The following ENTREP2 variants were observed in gnomAD, a reference collection of about 807,000 sequenced individuals.
ENTREP2 encodes endosomal transmembrane epsin interactor 2, also known as protein ENTREP2.
the ENTREP2 span, among the ~76,000 whole-genome samples, chr15:29,221,034 G>C: frequency 6.6e-6 from 1 of 152,198 alleles, no homozygotes; most frequent in East Asian, 1.9e-4. Context: ...ATAAATCTGA[G>C]GACTGTGGGA....
the ENTREP2 span, chr15:29,120,252 G>A: frequency 6.6e-6 from 1 of 152,114 alleles, no homozygotes; most frequent in East Asian, 1.9e-4. Context: ...GAGACACAGA[G>A]GCCAGAAATA....
the ENTREP2 span, among the ~76,000 whole-genome samples, chr15:29,278,372 G>C: frequency 1.3e-5 from 2 of 152,234 alleles, no homozygotes; most frequent in Non-Finnish European, 2.9e-5. Flanking sequence ...GCTGGCAGAA[G>C]CCCGTGTCTC....
At chr15:29,458,701 C>T in the ENTREP2 span, among the ~76,000 whole-genome samples, 2 of 152,212 alleles carry the variant, frequency 1.3e-5, no homozygotes, top group Non-Finnish European at 2.9e-5. Context: ...GCTAATAGTA[C>T]ATTTTTATAT....
At chr15:29,537,091 G>A in the ENTREP2 span, among the ~76,000 whole-genome samples, 14 of 152,092 alleles carry the variant, frequency 9.2e-5, no homozygotes, top group Non-Finnish European at 1.3e-4. Context: ...TTATGTATAC[G>A]TAACATAATA....
chr15:29,355,134 G>A, the ENTREP2 span, among the ~76,000 whole-genome samples: 2 of 152,126 alleles, frequency 1.3e-5, no homozygotes, highest in Non-Finnish European at 2.9e-5. Context: ...TCTCACTCCA[G>A]GCCCCAGAGC....
chr15:29,601,585 T>C, the ENTREP2 span, among the ~76,000 whole-genome samples: 1 of 152,152 alleles, frequency 6.6e-6, no homozygotes, highest in African/African-American at 2.4e-5. Context: ...AGGGTCAACA[T>C]TCACATGATC....
chr15:29,457,751 A>C, the ENTREP2 span, among the ~76,000 whole-genome samples: 31 of 152,280 alleles, frequency 2.0e-4, no homozygotes, highest in African/African-American at 7.2e-4. Context: ...GGAGAGACAC[A>C]CTCGAGAGAA....
At chr15:29,346,049 T>C in the ENTREP2 span, among the ~76,000 whole-genome samples, 2 of 152,124 alleles carry the variant, frequency 1.3e-5, no homozygotes, top group Non-Finnish European at 2.9e-5. Flanking sequence ...GCCCAGCTGG[T>C]GAGCAGCAGA....
At chr15:29,386,570 C>A in the ENTREP2 span, among the ~76,000 whole-genome samples, 9 of 152,160 alleles carry the variant, frequency 5.9e-5, no homozygotes, top group South Asian at 1.2e-3. Context: ...TACACAGCAA[C>A]AGAAAACAAT....
chr15:29,518,199 T>TCAAAA, the ENTREP2 span, among the ~76,000 whole-genome samples: 2,362 of 151,984 alleles, frequency 0.016, 29 homozygotes, highest in Non-Finnish European at 0.022. Flanking sequence ...AGACCTAGTC[T>TCAAAA]CAAAACAAAA....
At chr15:29,368,818 C>G in the ENTREP2 span, among the ~76,000 whole-genome samples, 1 of 151,996 alleles carries the variant, frequency 6.6e-6, no homozygotes, top group Non-Finnish European at 1.5e-5. Context: ...AAGTTCAAAG[C>G]TGCAGTGAGC....
chr15:29,187,348 T>C, the ENTREP2 span, among the ~76,000 whole-genome samples: 1 of 152,144 alleles, frequency 6.6e-6, no homozygotes, highest in Admixed American at 6.6e-5. Flanking sequence ...CGATCTCTGC[T>C]CACTTCAGCC....
At chr15:29,203,515 T>G in the ENTREP2 span, among the ~76,000 whole-genome samples, 1 of 152,222 alleles carries the variant, frequency 6.6e-6, no homozygotes, top group South Asian at 2.1e-4. Context: ...GGTATCTCAT[T>G]GTGGTTTTTG....
At chr15:29,592,518 T>A in the ENTREP2 span, among the ~76,000 whole-genome samples, 1 of 149,814 alleles carries the variant, frequency 6.7e-6, no homozygotes, top group East Asian at 2.1e-4. Context: ...ACTCCCATGA[T>A]AAAGTTAATC....
chr15:29,578,812 TG>T, the ENTREP2 span, among the ~76,000 whole-genome samples: 24,755 of 152,066 alleles, frequency 0.16, 2,882 homozygotes, highest in East Asian at 0.49. Flanking sequence ...TCTTAAACTA[TG>T]TTAAAATTGA....
chr15:29,272,896 C>T, the ENTREP2 span, among the ~76,000 whole-genome samples: 1 of 152,088 alleles, frequency 6.6e-6, no homozygotes, highest in African/African-American at 2.4e-5. Flanking sequence ...CTGGCCAGAA[C>T]TACTCCATGG....
At chr15:29,641,214 T>C in the ENTREP2 span, among the ~76,000 whole-genome samples, 1 of 152,164 alleles carries the variant, frequency 6.6e-6, no homozygotes, top group Non-Finnish European at 1.5e-5. Context: ...ACAGCTAATA[T>C]CATACTTAGT....
At chr15:29,292,348 T>C in the ENTREP2 span, among the ~76,000 whole-genome samples, 7 of 150,180 alleles carry the variant, frequency 4.7e-5, no homozygotes, top group African/African-American at 9.7e-5. Flanking sequence ...TCCTTCCTTC[T>C]TTCCTTCCTT....
the ENTREP2 span, among the ~76,000 whole-genome samples, chr15:29,668,643 G>A: frequency 7.2e-5 from 11 of 152,118 alleles, no homozygotes; most frequent in African/African-American, 2.7e-4. Flanking sequence ...GCTGGGGCTC[G>A]GAAGCTGATG....
Sources: gnomAD v4.1 joint callset for allele counts (sites outside exome capture counted in the v4.1 genomes callset) on GRCh38, gnomAD v4.1.1 for gene constraint, MANE v1.5 for transcripts, NCBI Gene and HGNC (gene_info 2026-07-23, HGNC 2026-07-21) for gene names.